Variants in YTHDC2 observed in about 807,000 individuals in gnomAD.
YTHDC2 encodes the protein 3'-5' RNA helicase YTHDC2.
In YTHDC2, 45 loss-of-function variants were observed where a neutral mutation model predicts 174.9. The observed-to-expected ratio is 0.26, with a 90% CI of 0.20 to 0.33. The LOEUF is 0.33. YTHDC2 is among the 10% of genes least tolerant of loss of function. The pLI is 1.00. For missense variants in YTHDC2, 1,650 were observed against 1,723.7 expected, an observed-to-expected ratio of 0.96 and a Z score of 0.76; for synonymous variants, 657 against 574.5, an observed-to-expected ratio of 1.14 and a Z score of -2.05.
intron 12 of YTHDC2, among the ~76,000 whole-genome samples, chr5:113,549,499 G>C (rs1390092455): frequency 6.6e-6 from 1 of 152,090 alleles, no homozygotes; most frequent in African/African-American, 2.4e-5. Context: ...TTGTTCAGTG[G>C]CCTTTGAGTG....
chr5:113,532,275 T>G (rs954619165), intron 4 of YTHDC2, among the ~76,000 whole-genome samples: 1 of 151,990 alleles, frequency 6.6e-6, no homozygotes, highest in Non-Finnish European at 1.5e-5. Context: ...GTGTAAAACT[T>G]TTTTTTTCTT....
intron 10 of YTHDC2, among the ~76,000 whole-genome samples, chr5:113,543,657 G>C (rs1053299438): frequency 6.6e-6 from 1 of 152,208 alleles, no homozygotes; most frequent in Non-Finnish European, 1.5e-5. Flanking sequence ...CAGGCTTCCA[G>C]TTACACTGTG....
At chr5:113,520,914 A>G (rs556700580) in intron 2 of YTHDC2, among the ~76,000 whole-genome samples, 48 of 152,178 alleles carry the variant, frequency 3.2e-4, no homozygotes, top group African/African-American at 8.9e-4. Context: ...CCCTCCTCCC[A>G]TCCTTTACCC....
At chr5:113,533,530 CAA>C (rs1774838170) in intron 5 of YTHDC2, among the ~76,000 whole-genome samples, 1 of 149,032 alleles carries the variant, frequency 6.7e-6, no homozygotes, top group Non-Finnish European at 1.5e-5. Context: ...GCCTGGGCAA[CAA>C]GAGCGAAACC....
chr5:113,542,532 C>T (rs1775560206), intron 10 of YTHDC2, 29 bp downstream of exon 10: 2 of 1,570,506 alleles, frequency 1.3e-6, no homozygotes, highest in Non-Finnish European at 1.7e-6. Flanking sequence ...TAAAAAATTA[C>T]CCTTACAGTT....
At chr5:113,540,767 G>A (rs1775400469) in intron 8 of YTHDC2, among the ~76,000 whole-genome samples, 1 of 152,114 alleles carries the variant, frequency 6.6e-6, no homozygotes, top group Non-Finnish European at 1.5e-5. Flanking sequence ...TATCAATGAA[G>A]TTTTCAAGCA....
At chr5:113,514,369 A>G in intron 1 of YTHDC2, 1 of 635,728 alleles carries the variant, frequency 1.6e-6, no homozygotes, top group South Asian at 1.5e-5. Context: ...CGGTTAAGCC[A>G]CCGTGTTTCA....
chr5:113,595,265 T>C lies in YTHDC2; in HGVS notation c.*1791T>C, dbSNP rs528885701. On this transcript the variant is annotated 3_prime_UTR_variant, in exon 30 of 30. Coordinates refer to ENST00000161863, the MANE Select transcript of YTHDC2 (RefSeq NM_022828.5). ...AAGCGATAAACTTTAAATATACTTATTAAAATGAAATTCTATTAAGTTTTT... is the reference window on the plus strand; with the variant it reads ...AAGCGATAAACTTTAAATATACTTACTAAAATGAAATTCTATTAAGTTTTT... 4.6e-5 allele frequency: 7 copies of C among 152,198 alleles called. No individual in the cohort carries two copies. The South Asian group carries it at 1.0e-3, about 23-fold the overall frequency. 9.4% of individuals were successfully genotyped at this position (152,198 alleles called of 1,614,324 possible). A position where few individuals can be genotyped will look rare whatever the true frequency, so the allele number is the denominator to read the frequency against.
intron 25 of YTHDC2, chr5:113,581,914 A>G (rs912668648): frequency 2.6e-6 from 1 of 380,828 alleles, no homozygotes; most frequent in South Asian, 1.2e-4. Context: ...ATTTTAAACT[A>G]TTGATATCTG....
chr5:113,560,562 C>A (rs1469793543), intron 17 of YTHDC2, among the ~76,000 whole-genome samples: 3 of 152,130 alleles, frequency 2.0e-5, no homozygotes, highest in African/African-American at 7.2e-5. Flanking sequence ...CTGCCATTAG[C>A]TGATATAGTG....
At chr5:113,563,538 A>G (rs1777142772) in intron 19 of YTHDC2, 46 bp downstream of exon 19, 1 of 1,536,140 alleles carries the variant, frequency 6.5e-7, no homozygotes, top group East Asian at 2.3e-5. Flanking sequence ...TTTACTTGAA[A>G]TTTTAAACTA....
Position 113,556,084 on chromosome 5 carries a change from G to A in YTHDC2, c.2166G>A (p.Met722Ile), listed in dbSNP as rs148322068. The change falls in exon 17 of 30, where the codon ATG (methionine) becomes ATA (isoleucine). Residue 722 changes from methionine (M) to isoleucine (I), a missense_variant. Coordinates refer to ENST00000161863, the MANE Select transcript of YTHDC2 (RefSeq NM_022828.5). ...TTGATGCTCTGAATTTTGTTACAAT[G>A]TTAAAAATGGTATGGATTTCCAAAG... ...KSFDALNFVT[M>I]LKMVWISKAS... 6.2e-7 allele frequency: 1 copy of A among 1,608,886 alleles called. No homozygotes were observed. The highest frequency in any genetic ancestry group is 8.5e-7 in the Non-Finnish European group (1 of 1,176,230).
chr5:113,550,160 T>C (rs1776153203), intron 12 of YTHDC2, among the ~76,000 whole-genome samples: 1 of 149,644 alleles, frequency 6.7e-6, no homozygotes, highest in South Asian at 2.1e-4. Context: ...GCACAGGGGA[T>C]AGGTGAAAGG....
chr5:113,534,501 C>A, intron 6 of YTHDC2, 94 bp downstream of exon 6: 1 of 1,067,804 alleles, frequency 9.4e-7, no homozygotes, highest in East Asian at 2.5e-5. Context: ...AATTTAAATA[C>A]ATAATTACAT....
rs367950987 is a variant in YTHDC2, at chr5:113,586,853, ATCTCTC to A, written c.3825+2390_3825+2395del. On this transcript the variant is annotated intron_variant, in intron 26 of 29. Transcript: ENST00000161863. ...TATTGGACTCTTCAGTTTCATTAATATCTCTCTCTCTCTCTCTCTCTATATATATAT... is the reference window on the plus strand; with the variant it reads ...TATTGGACTCTTCAGTTTCATTAATATCTCTCTCTCTCTCTATATATATAT... 9.6e-4 allele frequency among the ~76,000 whole-genome samples: 121 copies of A among 126,286 alleles called. 1 individual carries two copies. The highest frequency in any genetic ancestry group is 2.9e-3 in the African/African-American group (97 of 33,638). The allele number at this position is 126,286 out of a possible 152,430, so 82.8% of individuals were successfully genotyped here. A position where few individuals can be genotyped will look rare whatever the true frequency, so the allele number is the denominator to read the frequency against.
At chr5:113,564,234 T>C in intron 20 of YTHDC2, 103 bp downstream of exon 20, 1 of 1,271,166 alleles carries the variant, frequency 7.9e-7, no homozygotes, top group Non-Finnish European at 1.0e-6. Context: ...TAAAATTGCA[T>C]TAATTTTGTT....
At chr5:113,527,306 T>G (rs937377897) in intron 4 of YTHDC2, among the ~76,000 whole-genome samples, 1 of 152,226 alleles carries the variant, frequency 6.6e-6, no homozygotes, top group South Asian at 2.1e-4. Flanking sequence ...TAAAGTTGAC[T>G]GTAGAATGGA....
chr5:113,547,250 A>C (rs539466065), intron 10 of YTHDC2, among the ~76,000 whole-genome samples: 30 of 152,340 alleles, frequency 2.0e-4, no homozygotes, highest in Middle Eastern at 3.4e-3. Flanking sequence ...AGTAATTTGC[A>C]TACAATGAGT....
intron 1 of YTHDC2, 43 bp downstream of exon 1, chr5:113,514,125 C>A: frequency 1.3e-6 from 2 of 1,584,602 alleles, no homozygotes; most frequent in East Asian, 2.3e-5. Context: ...CAGGATACCC[C>A]CCTCACCCCA....
Sources: gnomAD v4.1 joint callset for allele counts (sites outside exome capture counted in the v4.1 genomes callset) on GRCh38, gnomAD v4.1.1 for gene constraint, MANE v1.5 for transcripts, NCBI Gene and HGNC (gene_info 2026-07-23, HGNC 2026-07-21) for gene names.